Variants in PELI2 observed in about 807,000 individuals in gnomAD.
PELI2 encodes pellino E3 ubiquitin protein ligase family member 2.
PELI2 carries 23 observed loss-of-function variants against 42.3 expected under a neutral mutation model. The observed-to-expected ratio is 0.54, with a 90% CI of 0.39 to 0.77. The LOEUF (loss-of-function observed/expected upper bound fraction) is 0.77, where lower values mean the gene tolerates loss of function less well. Ranked by LOEUF, PELI2 falls within the 30% of genes least tolerant of loss-of-function variation. The probability of loss-of-function intolerance (pLI) is 0.00; values close to 1 mark genes in which losing one functional copy is unlikely to be tolerated. For missense variants in PELI2, 463 were observed against 553.2 expected, an observed-to-expected ratio of 0.84 and a Z score of 1.64; for synonymous variants, 245 against 212.2, an observed-to-expected ratio of 1.15 and a Z score of -1.34.
chr14:56,246,853 A>G (rs937048641), intron 2 of PELI2, among the ~76,000 whole-genome samples: 2 of 152,188 alleles, frequency 1.3e-5, no homozygotes, highest in African/African-American at 4.8e-5. Context: ...CATACTTACT[A>G]TCTTGGCCAC....
At chr14:56,199,912 A>G (rs1191152102) in intron 2 of PELI2, among the ~76,000 whole-genome samples, 2 of 152,202 alleles carry the variant, frequency 1.3e-5, no homozygotes, top group Non-Finnish European at 2.9e-5. Context: ...GATTGAGTGT[A>G]TCTGGGGTTT....
chr14:56,271,911 A>G (rs1161397975), intron 2 of PELI2, among the ~76,000 whole-genome samples: 1 of 152,150 alleles, frequency 6.6e-6, no homozygotes, highest in East Asian at 1.9e-4. Flanking sequence ...CTTTCTTCCC[A>G]GGCATTTTGC....
At chr14:56,220,761 G>A (rs1247712418) in intron 2 of PELI2, among the ~76,000 whole-genome samples, 1 of 152,124 alleles carries the variant, frequency 6.6e-6, no homozygotes, top group African/African-American at 2.4e-5. Flanking sequence ...ACCAAGATGA[G>A]GAGGTGAAGG....
intron 2 of PELI2, among the ~76,000 whole-genome samples, chr14:56,253,525 C>G (rs1425774030): frequency 6.6e-6 from 1 of 152,152 alleles, no homozygotes; most frequent in Non-Finnish European, 1.5e-5. Flanking sequence ...AATCAATGTG[C>G]AAAAATCAGA....
chr14:56,186,506 C>T (rs1225408426), intron 2 of PELI2, among the ~76,000 whole-genome samples: 1 of 152,030 alleles, frequency 6.6e-6, no homozygotes, highest in Non-Finnish European at 1.5e-5. Context: ...TTTGTTATAA[C>T]CACAAGAGAA....
At chr14:56,214,847 C>T (rs1173030826) in intron 2 of PELI2, among the ~76,000 whole-genome samples, 1 of 152,208 alleles carries the variant, frequency 6.6e-6, no homozygotes, top group South Asian at 2.1e-4. Context: ...TCCGGGATTC[C>T]ACAGCCTCGG....
intron 3 of PELI2, among the ~76,000 whole-genome samples, chr14:56,284,781 G>C (rs1426758407): frequency 3.3e-5 from 5 of 152,176 alleles, no homozygotes; most frequent in African/African-American, 1.2e-4. Context: ...ACCATCTGCT[G>C]TGTCAGAAAC....
chr14:56,138,237 A>C (rs11626451), intron 1 of PELI2, among the ~76,000 whole-genome samples: 31,803 of 152,260 alleles, frequency 0.21, 4,073 homozygotes, highest in Admixed American at 0.28. Flanking sequence ...AGGAGGTAAA[A>C]GTAACTTCAG....
At chr14:56,169,125 A>G (rs1188941534) in intron 1 of PELI2, among the ~76,000 whole-genome samples, 1 of 152,150 alleles carries the variant, frequency 6.6e-6, no homozygotes, top group Admixed American at 6.5e-5. Flanking sequence ...TTTTGGAGCC[A>G]CAAGCTGTGC....
chr14:56,160,557 G>A (rs1884724035), intron 1 of PELI2, among the ~76,000 whole-genome samples: 1 of 152,074 alleles, frequency 6.6e-6, no homozygotes, highest in Admixed American at 6.5e-5. Flanking sequence ...TTTTGGCATG[G>A]GGAAGCTGGA....
At position 56,219,903 on chromosome 14, in the gene PELI2, AC is replaced by A. The variant is rs1859520391; in HGVS notation, c.207+41440del. ...CTTTAATGGATGCAGCCTCCTTAAAACAGCTCAGGATTGAAAAAACTCTTGT... is the reference window on the plus strand; with the variant it reads ...CTTTAATGGATGCAGCCTCCTTAAAAAGCTCAGGATTGAAAAAACTCTTGT... On this transcript the variant is annotated intron_variant, in intron 2 of 5. Transcript: ENST00000267460. The surrounding 1 kb of genome is among the most constrained non-coding windows in gnomAD (Gnocchi z 4.1). 6.6e-6 allele frequency among the ~76,000 whole-genome samples: 1 copy of A among 152,182 alleles called. No homozygotes were observed. Among genetic ancestry groups the A allele is most frequent in the Admixed American group, 6.5e-5 (1 of 15,278 alleles).
intron 2 of PELI2, among the ~76,000 whole-genome samples, chr14:56,206,551 A>G (rs1375547210): frequency 1.3e-5 from 2 of 152,136 alleles, no homozygotes; most frequent in African/African-American, 4.8e-5. Context: ...CCTATATTCC[A>G]TTAAAAGCCA....
chr14:56,245,776 A>G (rs1468483698), intron 2 of PELI2, among the ~76,000 whole-genome samples: 1 of 152,224 alleles, frequency 6.6e-6, no homozygotes, highest in Non-Finnish European at 1.5e-5. Flanking sequence ...AAAAAATAAT[A>G]CAAATTTTGT....
chr14:56,252,297 A>C (rs1888374987), intron 2 of PELI2, among the ~76,000 whole-genome samples: 1 of 152,260 alleles, frequency 6.6e-6, no homozygotes, highest in African/African-American at 2.4e-5. Context: ...TTCCCAAAGC[A>C]GAGGTGTTCC....
At chr14:56,172,029 AG>A (rs1885190517) in intron 1 of PELI2, among the ~76,000 whole-genome samples, 1 of 152,114 alleles carries the variant, frequency 6.6e-6, no homozygotes, top group Non-Finnish European at 1.5e-5. Context: ...AAAAAGAAAA[AG>A]AAAAAAAGAT....
intron 2 of PELI2, among the ~76,000 whole-genome samples, chr14:56,220,534 C>T (rs1051874918): frequency 1.1e-4 from 16 of 152,090 alleles, no homozygotes; most frequent in African/African-American, 2.7e-4. Flanking sequence ...AAAAGGACAA[C>T]GCTGATTCCA....
At chr14:56,238,274 A>G (rs188581935) in intron 2 of PELI2, among the ~76,000 whole-genome samples, 60 of 152,306 alleles carry the variant, frequency 3.9e-4, no homozygotes, top group African/African-American at 1.4e-3. Context: ...TTACAGAGGA[A>G]TTTCATTTAC....
In PELI2 at chr14:56,201,520, A is replaced by T. The variant is rs189508910; in HGVS notation, c.207+23056A>T. ...CAGAGAATTTTGCATGCATTCATCC[A>T]TCGTTTTTAAGGGCCTACCACATAG... On this transcript the variant is annotated intron_variant, in intron 2 of 5. Coordinates refer to ENST00000267460, the MANE Select transcript of PELI2 (RefSeq NM_021255.3). 1.3e-3 allele frequency among the ~76,000 whole-genome samples: 194 copies of T among 152,310 alleles called. 2 individuals carry two copies. Among genetic ancestry groups the T allele is most frequent in the African/African-American group, 4.2e-3 (176 of 41,580 alleles).
intron 1 of PELI2, among the ~76,000 whole-genome samples, chr14:56,138,578 A>T (rs1883771062): frequency 6.6e-6 from 1 of 152,164 alleles, no homozygotes; most frequent in Admixed American, 6.5e-5. Context: ...GACTTTTGTA[A>T]CTTCGTAAAA....
Sources: gnomAD v4.1 joint callset for allele counts (sites outside exome capture counted in the v4.1 genomes callset) on GRCh38, gnomAD v4.1.1 for gene constraint, Gnocchi (gnomAD v3.1) non-coding constraint, MANE v1.5 for transcripts, NCBI Gene and HGNC (gene_info 2026-07-23, HGNC 2026-07-21) for gene names.